Variants in KCNIP4 observed in about 807,000 individuals in gnomAD.
KCNIP4 encodes Kv channel-interacting protein 4.
A neutral mutation model predicts 34.0 loss-of-function variants in KCNIP4; 12 were observed. That is an observed-to-expected ratio of 0.35 (90% CI 0.23 to 0.57). The LOEUF is 0.57. Ranked by LOEUF, KCNIP4 falls within the 20% of genes least tolerant of loss-of-function variation. The pLI, the probability that KCNIP4 is intolerant of heterozygous loss-of-function variation, is 0.83. For synonymous variants in KCNIP4, 124 were observed against 102.2 expected, an observed-to-expected ratio of 1.21 and a Z score of -1.29; for missense variants, 238 against 311.7, an observed-to-expected ratio of 0.76 and a Z score of 1.78.
At chr4:21,490,787 C>T (rs549608106) in intron 1 of KCNIP4, among the ~76,000 whole-genome samples, 15 of 152,154 alleles carry the variant, frequency 9.9e-5, no homozygotes, top group Admixed American at 2.6e-4. Flanking sequence ...TGGCATTTAT[C>T]ATGAGTTTCC....
chr4:21,876,974 T>C (rs1726156098), intron 1 of KCNIP4, among the ~76,000 whole-genome samples: 1 of 151,202 alleles, frequency 6.6e-6, no homozygotes, highest in African/African-American at 2.4e-5. Flanking sequence ...ATTGCCTGGA[T>C]TAGGAGAAAA....
chr4:20,889,668 G>A (rs1249783522), intron 1 of KCNIP4, among the ~76,000 whole-genome samples: 1 of 150,288 alleles, frequency 6.7e-6, no homozygotes, highest in African/African-American at 2.4e-5. Context: ...GATATTTTAA[G>A]TTGATTATTT....
chr4:21,247,759 T>TATATATATATATATATATATATACAC (rs1366204923), intron 1 of KCNIP4, among the ~76,000 whole-genome samples: 8 of 120,010 alleles, frequency 6.7e-5, no homozygotes, highest in Non-Finnish European at 1.3e-4. Flanking sequence ...TATATATATA[T>TATATATATATATATATATATATACAC]ACACCCCACA....
chr4:21,606,616 CAG>C (rs1437914545), intron 1 of KCNIP4, among the ~76,000 whole-genome samples: 1 of 152,024 alleles, frequency 6.6e-6, no homozygotes, highest in Non-Finnish European at 1.5e-5. Context: ...GTTTTTGAGA[CAG>C]AGTCTTGCTC....
chr4:20,872,009 T>C (rs749486043), intron 2 of KCNIP4, among the ~76,000 whole-genome samples: 9 of 152,164 alleles, frequency 5.9e-5, no homozygotes, highest in Non-Finnish European at 1.2e-4. Flanking sequence ...GTATAATCTT[T>C]CATAGTGTGT....
chr4:21,261,229 A>G (rs1230778965), intron 1 of KCNIP4, among the ~76,000 whole-genome samples: 2 of 152,214 alleles, frequency 1.3e-5, no homozygotes, highest in Admixed American at 6.5e-5. Context: ...CTGGCTTTAA[A>G]TCAATGCTTG....
At chr4:21,285,695 G>A (rs1011530733) in intron 1 of KCNIP4, among the ~76,000 whole-genome samples, 1 of 151,860 alleles carries the variant, frequency 6.6e-6, no homozygotes, top group Non-Finnish European at 1.5e-5. Context: ...CAAAAAAAAA[G>A]CCAGGCATGG....
At chr4:21,189,908 T>C (rs1368883041) in intron 1 of KCNIP4, among the ~76,000 whole-genome samples, 1 of 152,244 alleles carries the variant, frequency 6.6e-6, no homozygotes, top group Non-Finnish European at 1.5e-5. Flanking sequence ...ATGTTCATCA[T>C]CAAACCATTG....
At chr4:21,900,922 G>A (rs1727670607) in intron 1 of KCNIP4, among the ~76,000 whole-genome samples, 1 of 152,118 alleles carries the variant, frequency 6.6e-6, no homozygotes, top group Non-Finnish European at 1.5e-5. Flanking sequence ...TTTCTTCAGT[G>A]TTCAACATGC....
chr4:21,886,248 T>C (rs1726757791), intron 1 of KCNIP4, among the ~76,000 whole-genome samples: 1 of 152,152 alleles, frequency 6.6e-6, no homozygotes, highest in African/African-American at 2.4e-5. Flanking sequence ...TTATACAGCA[T>C]AATTTTCCAA....
At position 21,758,847 on chromosome 4, in the gene KCNIP4, G is replaced by T. The variant is rs576460766; in HGVS notation, c.61+189724C>A. 1.2e-4 allele frequency among the ~76,000 whole-genome samples: 18 copies of T among 152,208 alleles called. No individual in the cohort carries two copies. In the East Asian group the frequency reaches 2.9e-3, roughly 25 times the overall value. On this transcript the variant is annotated intron_variant, in intron 1 of 8. Transcript: ENST00000382152. ...AAATATCCTGGTTAAAACCTCCACT[G>T]CCCACTTGCAATGTGACCTTGGGTA... is the stretch of plus-strand genomic sequence containing the variant.
Position 21,400,488 on chromosome 4 carries a change from C to CTCTCCTCTCCTCTCCTCTCT in KCNIP4, c.62-517780_62-517779insAGAGAGGAGAGGAGAGGAGA, listed in dbSNP as rs945392438. On this transcript the variant is annotated intron_variant, in intron 1 of 8. Transcript: ENST00000382152. Reference sequence around the variant, plus strand: ...TGTTCCTCTCCTCTCCTCTCCTCTCCTCTCCCCTCCCTTCCCCTCCCTTCC... The same window carrying CTCTCCTCTCCTCTCCTCTCT: ...TGTTCCTCTCCTCTCCTCTCCTCTCCTCTCCTCTCCTCTCCTCTCTTCTCCCCTCCCTTCCCCTCCCTTCC... Among the ~76,000 whole-genome samples the CTCTCCTCTCCTCTCCTCTCT allele has an allele frequency of 5.0e-4, 60 of 120,056 alleles. 8 individuals are homozygous for CTCTCCTCTCCTCTCCTCTCT. Among genetic ancestry groups the CTCTCCTCTCCTCTCCTCTCT allele is most frequent in the African/African-American group, 2.7e-3 (59 of 22,226 alleles). The allele number at this position is 120,056 out of a possible 152,430, so 78.8% of individuals were successfully genotyped here.
At chr4:20,992,912 C>T (rs1737209662) in intron 1 of KCNIP4, among the ~76,000 whole-genome samples, 2 of 150,734 alleles carry the variant, frequency 1.3e-5, no homozygotes, top group African/African-American at 4.9e-5. Context: ...CCTGTAATCC[C>T]AGCTACTCTG....
intron 1 of KCNIP4, among the ~76,000 whole-genome samples, chr4:21,248,477 C>A (rs537246496): frequency 6.6e-6 from 1 of 152,290 alleles, no homozygotes; most frequent in African/African-American, 2.4e-5. Flanking sequence ...TTGTTCACCG[C>A]TGACTGACTA....
At chr4:21,855,964 G>T (rs28613123) in intron 1 of KCNIP4, among the ~76,000 whole-genome samples, 8,364 of 152,206 alleles carry the variant, frequency 0.055, 573 homozygotes, top group African/African-American at 0.16. Flanking sequence ...ATCAGAATAT[G>T]TCTGTTAAAA....
chr4:21,775,801 G>A (rs1205303857), intron 1 of KCNIP4, among the ~76,000 whole-genome samples: 1 of 152,226 alleles, frequency 6.6e-6, no homozygotes, highest in African/African-American at 2.4e-5. Flanking sequence ...CAGCCTCCCT[G>A]GCTCCAGCAG....
At chr4:20,852,007 C>T (rs185960108) in intron 2 of KCNIP4, among the ~76,000 whole-genome samples, 287 of 150,762 alleles carry the variant, frequency 1.9e-3, no homozygotes, top group African/African-American at 6.5e-3. Context: ...AGCATGAGAC[C>T]CTGTCTCAAA....
At chr4:21,015,902 AAT>A (rs1298514108) in intron 1 of KCNIP4, among the ~76,000 whole-genome samples, 2 of 143,248 alleles carry the variant, frequency 1.4e-5, no homozygotes, top group South Asian at 2.1e-4. Context: ...TATACAATAT[AAT>A]ATGTTTAATA....
intron 1 of KCNIP4, among the ~76,000 whole-genome samples, chr4:21,355,076 A>G (rs1363480175): frequency 6.6e-6 from 1 of 152,224 alleles, no homozygotes; most frequent in Non-Finnish European, 1.5e-5. Flanking sequence ...AAATGAAGGC[A>G]GAAATAAATA....
Sources: gnomAD v4.1 joint callset for allele counts (sites outside exome capture counted in the v4.1 genomes callset) on GRCh38, gnomAD v4.1.1 for gene constraint, MANE v1.5 for transcripts, NCBI Gene and HGNC (gene_info 2026-07-23, HGNC 2026-07-21) for gene names.